Variants in CPXM2 observed in about 807,000 individuals in gnomAD.
The protein encoded by CPXM2 is carboxypeptidase X, M14 family member 2.
Under a neutral mutation model 86.1 loss-of-function variants are expected in CPXM2, and 66 were observed. That is an observed-to-expected ratio of 0.77 (90% confidence interval 0.63 to 0.94). CPXM2 has a LOEUF of 0.94. Among genes scored for constraint, CPXM2 ranks in the 40% least tolerant of loss-of-function variants. The pLI is 0.00. For missense variants in CPXM2, 948 were observed against 1,026.3 expected (o/e 0.92, Z 1.04); for synonymous variants, 388 against 400.2 (o/e 0.97, Z 0.36).
At chr10:123,920,714 A>C (rs775532467) in intron 2 of CPXM2, among the ~76,000 whole-genome samples, 1 of 152,188 alleles carries the variant, frequency 6.6e-6, no homozygotes, top group Non-Finnish European at 1.5e-5. Context: ...GATAGTGTTG[A>C]GAGTTGAGAC....
intron 3 of CPXM2, among the ~76,000 whole-genome samples, chr10:123,851,083 T>C (rs1848589610): frequency 6.6e-6 from 1 of 152,226 alleles, no homozygotes; most frequent in African/African-American, 2.4e-5. Context: ...TTGTATTTAC[T>C]TGACGACTAA....
At chr10:123,846,100 C>A (rs1469734466) in intron 3 of CPXM2, among the ~76,000 whole-genome samples, 1 of 152,164 alleles carries the variant, frequency 6.6e-6, no homozygotes, top group Admixed American at 6.5e-5. Flanking sequence ...CTTTCTGGCA[C>A]CAGGGACTGG....
intron 7 of CPXM2, among the ~76,000 whole-genome samples, chr10:123,779,263 G>T (rs1275974192): frequency 6.6e-6 from 1 of 152,182 alleles, no homozygotes; most frequent in Non-Finnish European, 1.5e-5. Context: ...CTGGGGGTGG[G>T]CACAGAACAG....
chr10:123,753,036 G>A (rs1004904113), intron 13 of CPXM2, among the ~76,000 whole-genome samples: 1 of 152,166 alleles, frequency 6.6e-6, no homozygotes, highest in African/African-American at 2.4e-5. Flanking sequence ...AGTGCAGCGG[G>A]GAGGTGTGCC....
intron 6 of CPXM2, among the ~76,000 whole-genome samples, chr10:123,793,639 T>G (rs892345975): frequency 7.2e-5 from 11 of 152,018 alleles, no homozygotes; most frequent in African/African-American, 2.7e-4. Context: ...CCAATAAGCT[T>G]GTCTATGCCC....
At chr10:123,854,407 T>A (rs1375632438) in intron 3 of CPXM2, among the ~76,000 whole-genome samples, 12 of 120,706 alleles carry the variant, frequency 9.9e-5, no homozygotes, top group African/African-American at 2.7e-4. Context: ...ATATATATAT[T>A]ATATATAAAA....
intron 3 of CPXM2, among the ~76,000 whole-genome samples, chr10:123,843,432 A>ATTTTTTT (rs5788632): frequency 7.9e-6 from 1 of 126,390 alleles, no homozygotes; most frequent in African/African-American, 3.0e-5. Flanking sequence ...TCACAGAGCT[A>ATTTTTTT]TTTTTTTTTT....
intron 6 of CPXM2, among the ~76,000 whole-genome samples, chr10:123,789,968 A>C (rs1311766819): frequency 6.6e-6 from 1 of 152,156 alleles, no homozygotes; most frequent in Admixed American, 6.5e-5. Flanking sequence ...ATTACAAAAA[A>C]TTAGCCAGGT....
Position 123,885,185 on chromosome 10 carries a change from CG to C in CPXM2, c.305-4877del, listed in dbSNP as rs1243727030. 2.7e-5 allele frequency among the ~76,000 whole-genome samples: 4 copies of C among 145,458 alleles called. No homozygotes were observed. The East Asian group carries it at 9.1e-4, about 33-fold the overall frequency. ...GGCTGTGTTGTCTGGCAGGACTCAA[CG>C]GGGACTCAACCTGGCTGGGGACTCA... On this transcript the variant is annotated intron_variant, in intron 1 of 13. Coordinates refer to ENST00000241305, the MANE Select transcript of CPXM2 (RefSeq NM_198148.3). The surrounding 1 kb of genome is among the most constrained non-coding windows in gnomAD (Gnocchi z 4.0).
chr10:123,833,781 G>C (rs906075172), intron 4 of CPXM2, among the ~76,000 whole-genome samples: 1 of 152,184 alleles, frequency 6.6e-6, no homozygotes, highest in African/African-American at 2.4e-5. Context: ...TCAGAGAACC[G>C]AGGATGTGGT....
intron 4 of CPXM2, among the ~76,000 whole-genome samples, chr10:123,840,584 G>GA (rs1466309539): frequency 2.2e-4 from 34 of 152,298 alleles, no homozygotes; most frequent in African/African-American, 7.2e-4. Flanking sequence ...GTAACAGCAT[G>GA]AAAAATGTTA....
At chr10:123,789,304 A>T (rs1387336339) in intron 6 of CPXM2, among the ~76,000 whole-genome samples, 2 of 152,106 alleles carry the variant, frequency 1.3e-5, no homozygotes, top group Non-Finnish European at 2.9e-5. Context: ...GGGCAGCACA[A>T]CCTCTGTGCT....
chr10:123,793,462 CAAAAAAAAAAAA>C (rs34757620), intron 6 of CPXM2, among the ~76,000 whole-genome samples: 239 of 59,272 alleles, frequency 4.0e-3, no homozygotes, highest in Non-Finnish European at 5.8e-3. Context: ...GACTCCGTCT[CAAAAAAAAAAAA>C]AAAAAAAAAA....
At chr10:123,762,465 G>A (rs1008320677) in intron 10 of CPXM2, among the ~76,000 whole-genome samples, 3 of 152,148 alleles carry the variant, frequency 2.0e-5, no homozygotes, top group African/African-American at 7.2e-5. Context: ...ATTTTATTTT[G>A]ATATAATAAT....
intron 2 of CPXM2, among the ~76,000 whole-genome samples, chr10:123,878,444 G>A (rs1375328590): frequency 6.6e-6 from 1 of 151,344 alleles, no homozygotes; most frequent in African/African-American, 2.4e-5. Context: ...AGCCATGGGA[G>A]CAATCCTGGG....
At chr10:123,804,508 T>G (rs749929290) in intron 4 of CPXM2, among the ~76,000 whole-genome samples, 15 of 152,224 alleles carry the variant, frequency 9.9e-5, no homozygotes, top group Non-Finnish European at 1.8e-4. Flanking sequence ...CCTTATTTGT[T>G]GCTGGTATGT....
chr10:123,939,069 T>C (rs968315865), intron 2 of CPXM2, among the ~76,000 whole-genome samples: 32 of 152,156 alleles, frequency 2.1e-4, no homozygotes, highest in African/African-American at 5.3e-4. Context: ...CTGGATACCA[T>C]GTCAGGGACA....
chr10:123,764,414 C>T (rs1846420990), intron 10 of CPXM2, among the ~76,000 whole-genome samples: 1 of 151,648 alleles, frequency 6.6e-6, no homozygotes, highest in South Asian at 2.1e-4. Flanking sequence ...TTTCTATAGA[C>T]AAATCACTTC....
chr10:123,833,004 T>C (rs1463599499), intron 4 of CPXM2, among the ~76,000 whole-genome samples: 1 of 152,090 alleles, frequency 6.6e-6, no homozygotes, highest in African/African-American at 2.4e-5. Flanking sequence ...AGGCGCCATC[T>C]GGGAAACAAA....
Sources: allele counts gnomAD v4.1 joint callset (sites outside exome capture counted in the v4.1 genomes callset), GRCh38; gene constraint gnomAD v4.1.1; non-coding constraint Gnocchi (gnomAD v3.1); transcripts MANE v1.5; gene names NCBI Gene and HGNC (gene_info 2026-07-23, HGNC 2026-07-21).